Variants in GUCY1A2 observed in about 807,000 individuals in gnomAD.
GUCY1A2 encodes the protein guanylate cyclase soluble subunit alpha-2.
GUCY1A2 carries 27 observed loss-of-function variants against 63.5 expected under a neutral mutation model. The observed-to-expected ratio is 0.43, with a 90% CI of 0.31 to 0.59. The LOEUF (loss-of-function observed/expected upper bound fraction) is 0.59. Among genes scored for constraint, GUCY1A2 ranks in the 20% least tolerant of loss-of-function variants. GUCY1A2 has a pLI of 0.11. For missense variants in GUCY1A2, 768 were observed against 913.3 expected (o/e 0.84, Z 2.05); for synonymous variants, 364 against 343.5 (o/e 1.06, Z -0.66).
rs1212487981 is a variant in GUCY1A2 at position 106,677,137 on chromosome 11, T to C, written c.*10412A>G. 1 of 217,928 alleles carries C rather than the reference T, an allele frequency of 4.6e-6. No individual in the cohort carries two copies. Among genetic ancestry groups the C allele is most frequent in the African/African-American group, 2.2e-5 (1 of 44,574 alleles). 13.5% of individuals were successfully genotyped at this position (217,928 alleles called of 1,614,324 possible). Reference sequence around the variant, plus strand: ...CAAATAGTAAAGTACTATTGTCATTTATCTTATAAGAGCTAGAAAGAAATA... The same window carrying C: ...CAAATAGTAAAGTACTATTGTCATTCATCTTATAAGAGCTAGAAAGAAATA... On this transcript the variant is annotated 3_prime_UTR_variant, in exon 8 of 8. Coordinates refer to ENST00000526355, the MANE Select transcript of GUCY1A2 (RefSeq NM_000855.3).
chr11:106,757,843 G>A (rs964850108), intron 6 of GUCY1A2, among the ~76,000 whole-genome samples: 3 of 152,224 alleles, frequency 2.0e-5, no homozygotes, highest in African/African-American at 7.2e-5. Flanking sequence ...GGACCCACTT[G>A]AGGAGACAGT....
chr11:107,008,278 C>CAAAA lies in GUCY1A2; in HGVS notation c.303+9471_303+9474dup, dbSNP rs60060457. 1.6e-4 allele frequency among the ~76,000 whole-genome samples: 15 copies of CAAAA among 95,430 alleles called. No individual in the cohort carries two copies. In the East Asian group the frequency reaches 1.8e-3, roughly 12 times the overall value. 62.6% of individuals were successfully genotyped at this position (95,430 alleles called of 152,430 possible). A position where few individuals can be genotyped will look rare whatever the true frequency, so the allele number is the denominator to read the frequency against. ...TGGGCGACAGAGCAAGACTCCATCT[C>CAAAA]AAAAAAAAAAAAAAAAAAAAAGATA... On this transcript the variant is annotated intron_variant, in intron 1 of 7. Coordinates refer to ENST00000526355, the MANE Select transcript of GUCY1A2 (RefSeq NM_000855.3).
chr11:106,903,122 TA>T (rs5794503), intron 4 of GUCY1A2, among the ~76,000 whole-genome samples: 23,274 of 152,172 alleles, frequency 0.15, 2,160 homozygotes, highest in South Asian at 0.28. Context: ...AATAAATATG[TA>T]AAATCTTTTT....
chr11:106,912,445 T>C (rs1860308047), intron 4 of GUCY1A2, among the ~76,000 whole-genome samples: 1 of 152,088 alleles, frequency 6.6e-6, no homozygotes, highest in Non-Finnish European at 1.5e-5. Flanking sequence ...AAGCATTCTC[T>C]TGTTTAAAAA....
rs764427823 is a variant in GUCY1A2, at chr11:106,940,062, C to G, written c.604G>C (p.Gly202Arg). The change falls in exon 4 of 8, where the codon GGC (glycine) becomes CGC (arginine). Residue 202 changes from glycine (G) to arginine (R), a missense_variant. Gly to Arg is a moderately radical substitution (Grantham distance 125). Around this residue, in one of 3 missense-constraint regions of GUCY1A2, gnomAD observed 496 missense variants for 486.9 expected, o/e 1.02. Coordinates refer to ENST00000526355, the MANE Select transcript of GUCY1A2 (RefSeq NM_000855.3). Reference protein sequence around the residue: ...VGGTLQDFFNGFDALLEHIRT... With the variant: ...VGGTLQDFFNRFDALLEHIRT... ...ATGTGTTCCAACAAAGCATCAAAGC[C>G]GTTAAAAAAGTCCTGCAAAGTGCCA... 6.2e-7 allele frequency: 1 copy of G among 1,613,614 alleles called. No individual in the cohort carries two copies. Among genetic ancestry groups the G allele is most frequent in the Non-Finnish European group, 8.5e-7 (1 of 1,179,592 alleles).
At chr11:107,006,750 C>T (rs1861676657) in intron 1 of GUCY1A2, among the ~76,000 whole-genome samples, 1 of 152,196 alleles carries the variant, frequency 6.6e-6, no homozygotes, top group Non-Finnish European at 1.5e-5. Flanking sequence ...ACACAATCTA[C>T]AGCAGAGTGA....
At position 106,826,532 on chromosome 11, in the gene GUCY1A2, G is replaced by T. The variant is rs750036468; in HGVS notation, c.1207-16054C>A. On this transcript the variant is annotated intron_variant, in intron 4 of 7. Coordinates refer to ENST00000526355, the MANE Select transcript of GUCY1A2 (RefSeq NM_000855.3). ...CCAATTAAGAAAGCTCCCATCATTC[G>T]TCCATTTTGCATGACGACTTTGATG... 3.1e-6 allele frequency: 5 copies of T among 1,602,394 alleles called. No individual in the cohort carries two copies. The East Asian group carries it at 8.9e-5, about 29-fold the overall frequency.
intron 4 of GUCY1A2, among the ~76,000 whole-genome samples, chr11:106,921,399 G>A (rs1401501969): frequency 1.3e-5 from 2 of 151,872 alleles, no homozygotes; most frequent in African/African-American, 2.4e-5. Context: ...AAGACAAAAT[G>A]TGGTCCAAAA....
chr11:106,941,026 A>C (rs1241334590), intron 3 of GUCY1A2, among the ~76,000 whole-genome samples: 1 of 152,186 alleles, frequency 6.6e-6, no homozygotes, highest in Non-Finnish European at 1.5e-5. Context: ...CAAAAGGCTT[A>C]CATTAGCAAT....
intron 4 of GUCY1A2, among the ~76,000 whole-genome samples, chr11:106,894,613 A>C (rs1860020649): frequency 2.6e-5 from 4 of 152,204 alleles, no homozygotes; most frequent in African/African-American, 9.6e-5. Flanking sequence ...AATGGGGTTA[A>C]ATTATGAGTC....
In GUCY1A2 at chr11:106,687,729, T is replaced by G. The variant is rs1473848992; in HGVS notation, c.2019A>C (p.Thr673=). 1 of 1,611,278 alleles carries G rather than the reference T, an allele frequency of 6.2e-7. No individual in the cohort carries two copies. Among genetic ancestry groups the G allele is most frequent in the Non-Finnish European group, 8.5e-7 (1 of 1,177,520 alleles). Residue 673 remains threonine (T), a synonymous_variant, in exon 8 of 8, where the codon ACA becomes ACC. Transcript: ENST00000526355. ...YQLLKREESF[T]FIPRSREELP... The stretch of plus-strand genomic sequence containing the variant: ...GCTCTTCACGAGACCGCGGAATGAA[T>G]GTGAAACTTTCTTCTCGTTTTAATA...
At chr11:106,827,937 A>G in intron 4 of GUCY1A2, 1 of 1,174,990 alleles carries the variant, frequency 8.5e-7, no homozygotes, top group African/African-American at 1.5e-5. Flanking sequence ...CGGAACAGCG[A>G]GACTCTGGAC....
At chr11:106,836,282 CAT>C in intron 4 of GUCY1A2, among the ~76,000 whole-genome samples, 1 of 151,860 alleles carries the variant, frequency 6.6e-6, no homozygotes, top group South Asian at 2.1e-4. Context: ...TTGATTAACA[CAT>C]ATTTTGTATT....
chr11:106,988,322 C>A (rs761875031), intron 1 of GUCY1A2, among the ~76,000 whole-genome samples: 5 of 152,162 alleles, frequency 3.3e-5, no homozygotes, highest in Admixed American at 6.5e-5. Context: ...GATAACTTTC[C>A]CCTTGGCAAC....
At chr11:106,957,460 G>A (rs1177090713) in intron 3 of GUCY1A2, among the ~76,000 whole-genome samples, 1 of 152,154 alleles carries the variant, frequency 6.6e-6, no homozygotes, top group Non-Finnish European at 1.5e-5. Context: ...CAATCCATGG[G>A]TGGCAGGGTT....
intron 7 of GUCY1A2, among the ~76,000 whole-genome samples, chr11:106,701,927 A>T (rs1173291708): frequency 6.6e-6 from 1 of 152,116 alleles, no homozygotes; most frequent in Non-Finnish European, 1.5e-5. Flanking sequence ...TAAAAAATTT[A>T]AAAAGTAATT....
At chr11:107,013,569 A>T (rs939972581) in intron 1 of GUCY1A2, among the ~76,000 whole-genome samples, 1 of 152,168 alleles carries the variant, frequency 6.6e-6, no homozygotes. Flanking sequence ...TGTTTTGGAG[A>T]CAGAGTCTCG....
At chr11:106,725,510 C>T (rs1431942340) in intron 6 of GUCY1A2, among the ~76,000 whole-genome samples, 2 of 151,904 alleles carry the variant, frequency 1.3e-5, no homozygotes, top group East Asian at 3.9e-4. Flanking sequence ...GGAGAGTATA[C>T]ATATTCTAAA....
chr11:106,851,790 C>T (rs1859359242), intron 4 of GUCY1A2, among the ~76,000 whole-genome samples: 1 of 151,856 alleles, frequency 6.6e-6, no homozygotes, highest in African/African-American at 2.4e-5. Flanking sequence ...TGGTGTGATG[C>T]CTACAGCTTT....
Sources: gnomAD v4.1 joint callset for allele counts (sites outside exome capture counted in the v4.1 genomes callset) on GRCh38, gnomAD v4.1.1 for gene constraint, gnomAD v4.1.1 regional missense constraint, MANE v1.5 for transcripts, NCBI Gene and HGNC (gene_info 2026-07-23, HGNC 2026-07-21) for gene names.